DIAPH2: variants seen among roughly 807,000 people sequenced by gnomAD.
DIAPH2 encodes diaphanous related formin 2.
Under a neutral mutation model 92.7 loss-of-function variants are expected in DIAPH2, and 35 were observed. The observed-to-expected ratio is 0.38, with a 90% CI of 0.29 to 0.50. DIAPH2 has a LOEUF of 0.50. DIAPH2 is among the 20% of genes least tolerant of loss of function. DIAPH2 has a pLI of 0.94. For missense variants in DIAPH2, 701 were observed against 819.5 expected, an observed-to-expected ratio of 0.86 and a Z score of 1.77; for synonymous variants, 301 against 280.4, an observed-to-expected ratio of 1.07 and a Z score of -0.73.
intron 4 of DIAPH2, among the ~76,000 whole-genome samples, chrX:96,765,882 A>T (rs989246886): frequency 1.8e-5 from 2 of 110,785 alleles, no homozygotes; most frequent in African/African-American, 6.6e-5. Flanking sequence ...TAAATCAAGC[A>T]TGTTCTATTT....
At chrX:96,867,621 T>C (rs958736058) in intron 4 of DIAPH2, among the ~76,000 whole-genome samples, 30 of 111,854 alleles carry the variant, frequency 2.7e-4, no homozygotes, top group Non-Finnish European at 3.8e-4. Context: ...GCAGCAAAGA[T>C]GAATTATTTA....
At position 96,978,473 on chromosome X, in the gene DIAPH2, A is replaced by G. The variant is rs780261957; in HGVS notation, c.2050+13266A>G. ...AATTTTGTTATTAGGTGTCTGGCAAACACCTAATGGGAGATGTCCCAGGAA... is the reference window on the plus strand; with the variant it reads ...AATTTTGTTATTAGGTGTCTGGCAAGCACCTAATGGGAGATGTCCCAGGAA... On this transcript the variant is annotated intron_variant, in intron 17 of 26. Coordinates refer to ENST00000324765, the MANE Select transcript of DIAPH2 (RefSeq NM_006729.5). Among the ~76,000 whole-genome samples, 8 of 110,191 alleles carry G rather than the reference A, an allele frequency of 7.3e-5. No homozygotes were observed. In the East Asian group the frequency reaches 2.3e-3, roughly 31 times the overall value.
intron 21 of DIAPH2, among the ~76,000 whole-genome samples, chrX:97,125,993 G>A (rs1281803094): frequency 9.0e-6 from 1 of 111,671 alleles, no homozygotes; most frequent in African/African-American, 3.3e-5. Context: ...TACTTAGTTC[G>A]CCATGAAGAC....
At chrX:97,182,632 A>G (rs941009509) in intron 22 of DIAPH2, among the ~76,000 whole-genome samples, 7 of 112,056 alleles carry the variant, frequency 6.2e-5, no homozygotes, top group South Asian at 3.7e-4. Context: ...AAGACTCAAC[A>G]GTAATTTATA....
chrX:97,129,846 T>C (rs370916315), intron 21 of DIAPH2, among the ~76,000 whole-genome samples: 2 of 110,871 alleles, frequency 1.8e-5, no homozygotes, highest in African/African-American at 6.5e-5. Context: ...GGAGAATGTA[T>C]TCGTAAATAA....
At chrX:96,819,380 G>A (rs1475019307) in intron 4 of DIAPH2, among the ~76,000 whole-genome samples, 3 of 111,380 alleles carry the variant, frequency 2.7e-5, no homozygotes, top group Non-Finnish European at 5.7e-5. Flanking sequence ...TTCTATTCCT[G>A]TTTTCTCTCG....
intron 17 of DIAPH2, among the ~76,000 whole-genome samples, chrX:96,980,892 G>C (rs1055176857): frequency 9.3e-6 from 1 of 107,606 alleles, no homozygotes; most frequent in African/African-American, 3.4e-5. Flanking sequence ...CAGGTGCAGT[G>C]GTTCATGCCT....
intron 23 of DIAPH2, among the ~76,000 whole-genome samples, chrX:97,329,259 G>C (rs1052308902): frequency 7.1e-5 from 8 of 112,146 alleles, no homozygotes; most frequent in Admixed American, 3.8e-4. Flanking sequence ...GGCACATTTT[G>C]CTCTTATGTC....
chrX:97,009,370 C>T (rs745933567), intron 17 of DIAPH2, among the ~76,000 whole-genome samples: 15 of 111,975 alleles, frequency 1.3e-4, no homozygotes, highest in South Asian at 3.7e-4. Flanking sequence ...CATCCAGGAG[C>T]CAAGGCCTGG....
intron 22 of DIAPH2, among the ~76,000 whole-genome samples, chrX:97,214,283 G>A: frequency 9.0e-6 from 1 of 111,170 alleles, no homozygotes; most frequent in Middle Eastern, 4.6e-3. Flanking sequence ...TGTTTTATCT[G>A]TGTGTGCATG....
intron 23 of DIAPH2, among the ~76,000 whole-genome samples, chrX:97,321,670 C>T (rs2068897693): frequency 9.4e-6 from 1 of 106,873 alleles, no homozygotes; most frequent in Non-Finnish European, 1.9e-5. Context: ...CTGCCTCAGC[C>T]TCCCGAGTAG....
At chrX:97,170,375 A>G (rs769112611) in intron 22 of DIAPH2, among the ~76,000 whole-genome samples, 1 of 112,473 alleles carries the variant, frequency 8.9e-6, no homozygotes, top group Admixed American at 9.4e-5. Context: ...ATGACCGGAG[A>G]AATAAAATGG....
intron 25 of DIAPH2, among the ~76,000 whole-genome samples, chrX:97,398,205 G>T (rs1485467224): frequency 8.9e-6 from 1 of 112,045 alleles, no homozygotes; most frequent in Non-Finnish European, 1.9e-5. Flanking sequence ...AGCATCACCA[G>T]AATCCATTAT....
At chrX:96,930,967 T>C in intron 10 of DIAPH2, 124 bp downstream of exon 10, 1 of 743,009 alleles carries the variant, frequency 1.3e-6, no homozygotes, top group Non-Finnish European at 1.8e-6. Flanking sequence ...CATTAGACAT[T>C]TTGTAAGCTT....
chrX:96,829,775 G>A (rs1363851855), intron 4 of DIAPH2, among the ~76,000 whole-genome samples: 2 of 111,194 alleles, frequency 1.8e-5, no homozygotes, highest in Admixed American at 1.9e-4. Flanking sequence ...GATTATAGGC[G>A]GGAGCTACCA....
intron 19 of DIAPH2, among the ~76,000 whole-genome samples, chrX:97,090,298 C>CTTT (rs760073834): frequency 0.016 from 616 of 38,863 alleles, 207 homozygotes; most frequent in Non-Finnish European, 0.022. Context: ...TCTCTGATCC[C>CTTT]TTTTTTTTTT....
intron 26 of DIAPH2, among the ~76,000 whole-genome samples, chrX:97,489,122 G>A (rs1471337055): frequency 1.8e-5 from 2 of 111,745 alleles, no homozygotes; most frequent in Non-Finnish European, 3.8e-5. Context: ...TCAACGTTAT[G>A]TAGTTTTCGC....
intron 4 of DIAPH2, among the ~76,000 whole-genome samples, chrX:96,837,431 C>CTGTG (rs1311423042): frequency 2.7e-4 from 10 of 36,510 alleles, no homozygotes; most frequent in Admixed American, 1.6e-3. Flanking sequence ...CTCTCTCTCT[C>CTGTG]TCTGTGTGTG....
At chrX:97,468,959 T>C (rs1042792757) in intron 26 of DIAPH2, among the ~76,000 whole-genome samples, 7 of 111,856 alleles carry the variant, frequency 6.3e-5, no homozygotes, top group Non-Finnish European at 7.5e-5. Context: ...ATCGATAGAA[T>C]GTGAATGTAT....
Sources: gnomAD v4.1 joint callset for allele counts (sites outside exome capture counted in the v4.1 genomes callset) on GRCh38, gnomAD v4.1.1 for gene constraint, MANE v1.5 for transcripts, NCBI Gene and HGNC (gene_info 2026-07-23, HGNC 2026-07-21) for gene names.